The following NUDC variants were observed in gnomAD, a reference collection of about 807,000 sequenced individuals.
NUDC encodes the protein nuclear distribution C, dynein complex regulator.
A neutral mutation model predicts 45.0 loss-of-function variants in NUDC; 14 were observed. The observed-to-expected ratio is 0.31, with a 90% confidence interval of 0.21 to 0.49. NUDC has a LOEUF of 0.49. Ranked by LOEUF, NUDC falls within the 20% of genes least tolerant of loss-of-function variation. The pLI, the probability that NUDC is intolerant of heterozygous loss-of-function variation, is 0.99. For synonymous variants in NUDC, 153 were observed against 156.7 expected (o/e 0.98, Z 0.17); for missense variants, 323 against 426.2 (o/e 0.76, Z 2.13).
chr1:26,923,462 C>T (rs1428679861), intron 1 of NUDC, among the ~76,000 whole-genome samples: 1 of 152,092 alleles, frequency 6.6e-6, no homozygotes, highest in Non-Finnish European at 1.5e-5. Flanking sequence ...TTGCTTTGAC[C>T]CGGTAACTTA....
Position 26,946,063 on chromosome 1 carries a change from G to T in NUDC, c.945-67G>T, listed in dbSNP as rs2082315351. 6.6e-5 allele frequency: 98 copies of T among 1,479,148 alleles called. 3 individuals carry two copies. The South Asian group carries it at 7.9e-4, about 12-fold the overall frequency. 91.6% of individuals were successfully genotyped at this position (1,479,148 alleles called of 1,614,324 possible). On this transcript the variant is annotated intron_variant, in intron 8 of 8. Transcript: ENST00000321265. The stretch of plus-strand genomic sequence containing the variant: ...TAAAGAGATTAGACTTGACACGGGG[G>T]TGCTGGGAGAAGGGACAGCTTTAGA...
intron 3 of NUDC, among the ~76,000 whole-genome samples, chr1:26,914,972 A>T (rs1557668205): frequency 7.8e-6 from 1 of 127,654 alleles, no homozygotes; most frequent in African/African-American, 3.0e-5. Context: ...GTCTCAAAAA[A>T]ATATATATGT....
chr1:26,937,429 G>A (rs1182402689), intron 2 of NUDC, among the ~76,000 whole-genome samples: 4 of 151,360 alleles, frequency 2.6e-5, no homozygotes, highest in African/African-American at 9.7e-5. Context: ...GCAGGCATAT[G>A]CCACCGTGTC....
intron 2 of NUDC, among the ~76,000 whole-genome samples, chr1:26,907,134 GT>G (rs1425065657): frequency 6.6e-6 from 1 of 152,194 alleles, no homozygotes. Context: ...ATCACTTGCA[GT>G]TAACTAAGCA....
At chr1:26,912,228 CTTTAGAGGAGGTAA>C (rs1377333843) in intron 3 of NUDC, 2 of 830,800 alleles carry the variant, frequency 2.4e-6, no homozygotes, top group African/African-American at 3.5e-5. Flanking sequence ...CTACCTCCTC[CTTTAGAGGAGGTAA>C]TTTATTTATC....
At chr1:26,919,756 A>G (rs1039419725), upstream of NUDC, among the ~76,000 whole-genome samples, 2 of 152,212 alleles carry the variant, frequency 1.3e-5, no homozygotes, top group Non-Finnish European at 1.5e-5. Context: ...CCAAATCCTC[A>G]TGGCATCTCT....
upstream of NUDC, among the ~76,000 whole-genome samples, chr1:26,918,440 A>T (rs935162078): frequency 4.0e-5 from 6 of 151,390 alleles, no homozygotes; most frequent in Admixed American, 6.6e-5. Flanking sequence ...AGCCCAGCTG[A>T]TTTTTCGTAT....
rs35111983 is a variant in NUDC, at chr1:26,940,489, T to TA, written c.160-958dup. On this transcript the variant is annotated intron_variant, in intron 2 of 8. Transcript: ENST00000321265. The stretch of plus-strand genomic sequence containing the variant: ...GAAACTCCATCTCAAAAAAAAAAAT[T>TA]AAAAAAAAAAGCTCCCTGGCTTTCT... Among the ~76,000 whole-genome samples, 130 of 143,400 alleles carry TA rather than the reference T, an allele frequency of 9.1e-4. No individual in the cohort carries two copies. In the East Asian group the frequency reaches 9.6e-3, roughly 11 times the overall value. The allele number at this position is 143,400 out of a possible 152,430, so 94.1% of individuals were successfully genotyped here. A position where few individuals can be genotyped will look rare whatever the true frequency, so the allele number is the denominator to read the frequency against.
At chr1:26,924,655 G>A (rs1476075216) in intron 2 of NUDC, among the ~76,000 whole-genome samples, 3 of 152,184 alleles carry the variant, frequency 2.0e-5, no homozygotes, top group Admixed American at 6.5e-5. Flanking sequence ...CTGGGTTCAA[G>A]CAATTCTCCT....
At chr1:26,945,547 C>G (rs1233330942) in intron 7 of NUDC, 21 bp from the exon 8 acceptor site, 2 of 1,611,726 alleles carry the variant, frequency 1.2e-6, no homozygotes, top group Non-Finnish European at 1.7e-6. Flanking sequence ...TTCACCGATT[C>G]CTGTCACTGC....
chr1:26,915,423 G>A (rs761442336), intron 3 of NUDC, among the ~76,000 whole-genome samples: 3 of 152,104 alleles, frequency 2.0e-5, no homozygotes, highest in Non-Finnish European at 2.9e-5. Context: ...CCTCTGTCCC[G>A]GGCATCTTTC....
chr1:26,942,608 A>G (rs1467111116), intron 4 of NUDC, 52 bp from the exon 5 acceptor site: 45 of 1,612,402 alleles, frequency 2.8e-5, no homozygotes, highest in Admixed American at 1.8e-4. Context: ...TGAGGGTTCA[A>G]TCTGTGTCTT....
intron 1 of NUDC, 91 bp downstream of exon 1, chr1:26,922,020 C>T (rs987791309): frequency 5.2e-6 from 7 of 1,339,628 alleles, no homozygotes; most frequent in African/African-American, 1.4e-5. Flanking sequence ...CCCACCCCAG[C>T]GGCTCGCGGG....
chr1:26,940,127 T>C lies in NUDC; in HGVS notation c.160-1330T>C, dbSNP rs1300231957. On this transcript the variant is annotated intron_variant, in intron 2 of 8. Coordinates refer to ENST00000321265, the MANE Select transcript of NUDC (RefSeq NM_006600.4). Reference sequence around the variant, plus strand: ...CTTGCTGGAGAGAGGGTGAACAGGCTCTTCCTTCAAGAAAGCTCCCTGGCT... The same window carrying C: ...CTTGCTGGAGAGAGGGTGAACAGGCCCTTCCTTCAAGAAAGCTCCCTGGCT... Among the ~76,000 whole-genome samples the C allele has an allele frequency of 3.3e-5, 5 of 152,208 alleles. No homozygotes were observed. The East Asian group carries it at 7.7e-4, about 24-fold the overall frequency.
chr1:26,914,030 A>G, intron 3 of NUDC: 1 of 1,105,210 alleles, frequency 9.0e-7, no homozygotes, highest in African/African-American at 1.6e-5. Context: ...GAACGGGGGG[A>G]ATGGCCCAAC....
At chr1:26,916,239 T>C (rs553669681) in intron 3 of NUDC, among the ~76,000 whole-genome samples, 2 of 151,510 alleles carry the variant, frequency 1.3e-5, no homozygotes, top group South Asian at 2.1e-4. Context: ...AAAAAAAAAA[T>C]TAGCCAGTGT....
chr1:26,923,049 T>G (rs973300246), intron 1 of NUDC, among the ~76,000 whole-genome samples: 1 of 152,138 alleles, frequency 6.6e-6, no homozygotes, highest in African/African-American at 2.4e-5. Flanking sequence ...AATAAAGGGT[T>G]TGTGTGTGCT....
At chr1:26,924,213 A>C (rs758807273) in intron 2 of NUDC, 47 bp downstream of exon 2, 1 of 1,537,228 alleles carries the variant, frequency 6.5e-7, no homozygotes, top group South Asian at 1.1e-5. Flanking sequence ...GTCTCTTCAG[A>C]AGAAAAGCTC....
At chr1:26,933,889 T>C (rs903393772) in intron 2 of NUDC, among the ~76,000 whole-genome samples, 2 of 152,090 alleles carry the variant, frequency 1.3e-5, no homozygotes, top group Non-Finnish European at 2.9e-5. Flanking sequence ...GCACGGTGGC[T>C]CACGCCTGTA....
Sources: gnomAD v4.1 joint callset for allele counts (sites outside exome capture counted in the v4.1 genomes callset) on GRCh38, gnomAD v4.1.1 for gene constraint, MANE v1.5 for transcripts, NCBI Gene and HGNC (gene_info 2026-07-23, HGNC 2026-07-21) for gene names.